Variants in HNRNPA0 observed in about 807,000 individuals in gnomAD.
HNRNPA0 encodes hnRNA binding protein.
For synonymous variants in HNRNPA0, 243 were observed against 195.5 expected, an observed-to-expected ratio of 1.24 and a Z score of -2.03; for missense variants, 252 against 433.7, an observed-to-expected ratio of 0.58 and a Z score of 3.72.
In HNRNPA0 at chr5:137,753,186, T is replaced by C. The variant is rs750712557; in HGVS notation, c.881A>G (p.Tyr294Cys). Residue 294 changes from tyrosine to cysteine, a missense_variant, in exon 1 of 1, where the codon TAT becomes TGT. Transcript: ENST00000314940. This position sits in a 1 kb window ranked among gnomAD's most constrained non-coding sequence, Gnocchi z 6.1. ...RSNSGPYRGG[Y>C]GGGGGYGGSS... ...GCCTCCATAGCCACCCCCACCGCCA[T>C]AGCCGCCTCTGTAAGGTCCACTATT... 26 of 1,613,666 alleles carry C rather than the reference T, an allele frequency of 1.6e-5. No homozygotes were observed. Among genetic ancestry groups the C allele is most frequent in the South Asian group, 2.2e-5 (2 of 91,076 alleles).
rs1003845016 is a variant in HNRNPA0, at chr5:137,747,387, C to T, written c.*5762G>A. On this transcript the variant is annotated 3_prime_UTR_variant, in exon 1 of 1. Coordinates refer to ENST00000314940, the MANE Select transcript of HNRNPA0 (RefSeq NM_006805.4). ...CCAGCACAATGGCCATTTTGTAAAG[C>T]TATATGCGCAAGACACAATGCTTCA... 1 of 152,168 alleles carries T rather than the reference C, an allele frequency of 6.6e-6. No homozygotes were observed. The highest frequency in any genetic ancestry group is 1.9e-4 in the East Asian group (1 of 5,204). The allele number at this position is 152,168 out of a possible 1,614,324, so 9.4% of individuals were successfully genotyped here.
rs1753457601 is a variant in HNRNPA0 at position 137,749,277 on chromosome 5, G to A, written c.*3872C>T. On this transcript the variant is annotated 3_prime_UTR_variant, in exon 1 of 1. Coordinates refer to ENST00000314940, the MANE Select transcript of HNRNPA0 (RefSeq NM_006805.4). ...GAGACAAAGAAAGCCTGCCTGAATAGAGAAGGAAACAGTTAAGAATAACTA... is the reference window on the plus strand; with the variant it reads ...GAGACAAAGAAAGCCTGCCTGAATAAAGAAGGAAACAGTTAAGAATAACTA... 1 of 152,150 alleles carries A rather than the reference G, an allele frequency of 6.6e-6. No homozygotes were observed. The highest frequency in any genetic ancestry group is 1.5e-5 in the Non-Finnish European group (1 of 67,996). The allele number at this position is 152,150 out of a possible 1,614,324, so 9.4% of individuals were successfully genotyped here. A position where few individuals can be genotyped will look rare whatever the true frequency, so the allele number is the denominator to read the frequency against.
In HNRNPA0 at chr5:137,746,363, C is replaced by T. The variant is rs1457056253; in HGVS notation, c.*6786G>A. ...CATTTAGTGAAAACCAAAATCCTTA[C>T]AACAACCTACAAATCCCTACATGAT... is the stretch of plus-strand genomic sequence containing the variant. On this transcript the variant is annotated 3_prime_UTR_variant, in exon 1 of 1. Transcript: ENST00000314940. 6.6e-6 allele frequency: 1 copy of T among 152,170 alleles called. No homozygotes were observed. The highest frequency in any genetic ancestry group is 1.9e-4 in the East Asian group (1 of 5,204). 9.4% of individuals were successfully genotyped at this position (152,170 alleles called of 1,614,324 possible).
Position 137,747,162 on chromosome 5 carries a change from G to A in HNRNPA0, c.*5987C>T, listed in dbSNP as rs1378530251. Reference sequence around the variant, plus strand: ...ATAAGAGGGCCACTGGAGCAGAGCTGTGGCCACTCACAATCTCTTGCTAAG... The same window carrying A: ...ATAAGAGGGCCACTGGAGCAGAGCTATGGCCACTCACAATCTCTTGCTAAG... On this transcript the variant is annotated 3_prime_UTR_variant, in exon 1 of 1. Transcript: ENST00000314940. The A allele has an allele frequency of 6.6e-6, 1 of 152,182 alleles. No individual in the cohort carries two copies. Among genetic ancestry groups the A allele is most frequent in the African/African-American group, 2.4e-5 (1 of 41,420 alleles). The allele number at this position is 152,182 out of a possible 1,614,324, so 9.4% of individuals were successfully genotyped here. A position where few individuals can be genotyped will look rare whatever the true frequency, so the allele number is the denominator to read the frequency against.
Position 137,753,534 on chromosome 5 carries a change from T to A in HNRNPA0, c.533A>T (p.Asp178Val). 6.2e-7 allele frequency: 1 copy of A among 1,611,744 alleles called. No individual in the cohort carries two copies. Among genetic ancestry groups the A allele is most frequent in the Non-Finnish European group, 8.5e-7 (1 of 1,178,656 alleles). ...VEVKKAVPKE[D>V]IYSGGGGGGS... ...GCCTCCACCCCCACCGGAGTAGATA[T>A]CCTCCTTGGGGACTGCTTTCTTCAC... The change falls in exon 1 of 1, where the codon GAT (aspartate) becomes GTT (valine). Residue 178 changes from aspartate (D) to valine (V), a missense_variant. Coordinates refer to ENST00000314940, the MANE Select transcript of HNRNPA0 (RefSeq NM_006805.4). This position sits in a 1 kb window ranked among gnomAD's most constrained non-coding sequence, Gnocchi z 6.1.
chr5:137,750,542 T>C lies in HNRNPA0; in HGVS notation c.*2607A>G, dbSNP rs1363767608. ...CTAGGTTCTGTACCACCTGCTCCCATGAACTCTTAAATCTGAATAATGTTC... is the reference window on the plus strand; with the variant it reads ...CTAGGTTCTGTACCACCTGCTCCCACGAACTCTTAAATCTGAATAATGTTC... On this transcript the variant is annotated 3_prime_UTR_variant, in exon 1 of 1. Coordinates refer to ENST00000314940, the MANE Select transcript of HNRNPA0 (RefSeq NM_006805.4). The C allele has an allele frequency of 6.6e-6, 1 of 152,178 alleles. No individual in the cohort carries two copies. Among genetic ancestry groups the C allele is most frequent in the Non-Finnish European group, 1.5e-5 (1 of 68,006 alleles). The allele number at this position is 152,178 out of a possible 1,614,324, so 9.4% of individuals were successfully genotyped here.
In HNRNPA0 at chr5:137,753,101, T is replaced by G; in HGVS notation, c.*48A>C. ...TAGGAGTTGACCCCACTTGGGCTGT[T>G]GGAAAGAGCTACCCCTATAGCCACT... On this transcript the variant is annotated 3_prime_UTR_variant, in exon 1 of 1. Coordinates refer to ENST00000314940, the MANE Select transcript of HNRNPA0 (RefSeq NM_006805.4). The surrounding 1 kb of genome is among the most constrained non-coding windows in gnomAD (Gnocchi z 6.1). 1 of 1,557,388 alleles carries G rather than the reference T, an allele frequency of 6.4e-7. No homozygotes were observed. Among genetic ancestry groups the G allele is most frequent in the East Asian group, 2.3e-5 (1 of 44,440 alleles).
Position 137,753,785 on chromosome 5 carries a change from G to C in HNRNPA0, c.282C>G (p.His94Gln). The C allele has an allele frequency of 6.2e-7, 1 of 1,610,670 alleles. No individual in the cohort carries two copies. The highest frequency in any genetic ancestry group is 8.5e-7 in the Non-Finnish European group (1 of 1,180,004). ...SREDSARPGA[H>Q]AKVKKLFVGG... is the part of the protein sequence containing the mutation. ...CGACAAAGAGCTTCTTAACCTTGGC[G>C]TGGGCACCGGGCCGCGCCGAATCCT... The change falls in exon 1 of 1, where the codon CAC becomes CAG. Residue 94 changes from histidine (H) to glutamine (Q), a missense_variant. His to Gln is a conservative substitution (Grantham distance 24). Transcript: ENST00000314940. This position sits in a 1 kb window ranked among gnomAD's most constrained non-coding sequence, Gnocchi z 6.1.
chr5:137,753,057 T>C lies in HNRNPA0; in HGVS notation c.*92A>G. ...CAAGGGCAAAACAGGGAAGGCGGTG[T>C]GTGTGAGGGGGTGGGGCTTAGGAGT... is the stretch of plus-strand genomic sequence containing the variant. On this transcript the variant is annotated 3_prime_UTR_variant, in exon 1 of 1. Transcript: ENST00000314940. The surrounding 1 kb of genome is among the most constrained non-coding windows in gnomAD (Gnocchi z 6.1). 7.4e-7 allele frequency: 1 copy of C among 1,348,188 alleles called. No individual in the cohort carries two copies. The highest frequency in any genetic ancestry group is 2.3e-5 in the East Asian group (1 of 43,070). 83.5% of individuals were successfully genotyped at this position (1,348,188 alleles called of 1,614,324 possible). A position where few individuals can be genotyped will look rare whatever the true frequency, so the allele number is the denominator to read the frequency against.
Position 137,753,081 on chromosome 5 carries a change from G to A in HNRNPA0, c.*68C>T. On this transcript the variant is annotated 3_prime_UTR_variant, in exon 1 of 1. Coordinates refer to ENST00000314940, the MANE Select transcript of HNRNPA0 (RefSeq NM_006805.4). The surrounding 1 kb of genome is among the most constrained non-coding windows in gnomAD (Gnocchi z 6.1). ...GTGTGTGAGGGGGTGGGGCTTAGGA[G>A]TTGACCCCACTTGGGCTGTTGGAAA... 6.7e-7 allele frequency: 1 copy of A among 1,495,092 alleles called. No individual in the cohort carries two copies. Among genetic ancestry groups the A allele is most frequent in the South Asian group, 1.3e-5 (1 of 79,808 alleles). 92.6% of individuals were successfully genotyped at this position (1,495,092 alleles called of 1,614,324 possible).
rs1289564848 is a variant in HNRNPA0, at chr5:137,753,179, A to ACCGCCATAGCC, written c.877_887dup (p.Gly297AlafsTer58). The stretch of plus-strand genomic sequence containing the variant: ...AGGAGCTGCCTCCATAGCCACCCCC[A>ACCGCCATAGCC]CCGCCATAGCCGCCTCTGTAAGGTC... On this transcript the variant is annotated frameshift_variant, in exon 1 of 1. Coordinates refer to ENST00000314940, the MANE Select transcript of HNRNPA0 (RefSeq NM_006805.4). LOFTEE classifies it high-confidence loss of function. This position sits in a 1 kb window ranked among gnomAD's most constrained non-coding sequence, Gnocchi z 6.1. The ACCGCCATAGCC allele has an allele frequency of 6.2e-7, 1 of 1,612,284 alleles. No individual in the cohort carries two copies. Among genetic ancestry groups the ACCGCCATAGCC allele is most frequent in the Non-Finnish European group, 8.5e-7 (1 of 1,179,174 alleles).
Position 137,750,717 on chromosome 5 carries a change from G to C in HNRNPA0, c.*2432C>G, listed in dbSNP as rs932718944. Reference sequence around the variant, plus strand: ...TATGCTTTTTTCTTCACTACAAATAGCAATTTTAAGGGTAGACACATGACA... The same window carrying C: ...TATGCTTTTTTCTTCACTACAAATACCAATTTTAAGGGTAGACACATGACA... On this transcript the variant is annotated 3_prime_UTR_variant, in exon 1 of 1. Coordinates refer to ENST00000314940, the MANE Select transcript of HNRNPA0 (RefSeq NM_006805.4). 6.6e-6 allele frequency: 1 copy of C among 152,070 alleles called. No homozygotes were observed. Among genetic ancestry groups the C allele is most frequent in the Admixed American group, 6.5e-5 (1 of 15,276 alleles). 9.4% of individuals were successfully genotyped at this position (152,070 alleles called of 1,614,324 possible). A position where few individuals can be genotyped will look rare whatever the true frequency, so the allele number is the denominator to read the frequency against.
chr5:137,753,047 G>T lies in HNRNPA0; in HGVS notation c.*102C>A. On this transcript the variant is annotated 3_prime_UTR_variant, in exon 1 of 1. Coordinates refer to ENST00000314940, the MANE Select transcript of HNRNPA0 (RefSeq NM_006805.4). This position sits in a 1 kb window ranked among gnomAD's most constrained non-coding sequence, Gnocchi z 6.1. ...GTGGCTCCCCCAAGGGCAAAACAGG[G>T]AAGGCGGTGTGTGTGAGGGGGTGGG... 1 of 1,306,528 alleles carries T rather than the reference G, an allele frequency of 7.7e-7. No individual in the cohort carries two copies. The highest frequency in any genetic ancestry group is 1.1e-6 in the Non-Finnish European group (1 of 951,118). 80.9% of individuals were successfully genotyped at this position (1,306,528 alleles called of 1,614,324 possible).
rs1753439843 is a variant in HNRNPA0, at chr5:137,748,161, C to G, written c.*4988G>C. The G allele has an allele frequency of 6.6e-6, 1 of 152,188 alleles. No homozygotes were observed. Among genetic ancestry groups the G allele is most frequent in the South Asian group, 2.1e-4 (1 of 4,830 alleles). The allele number at this position is 152,188 out of a possible 1,614,324, so 9.4% of individuals were successfully genotyped here. The stretch of plus-strand genomic sequence containing the variant: ...ATGTTTCTGCCTATCTGTCCTCCAC[C>G]TAAAATGCCCTCTTTCTCCTCCCAC... On this transcript the variant is annotated 3_prime_UTR_variant, in exon 1 of 1. Transcript: ENST00000314940.
rs1308374782 is a variant in HNRNPA0 at position 137,752,382 on chromosome 5, T to C, written c.*767A>G. 6.6e-6 allele frequency: 1 copy of C among 152,160 alleles called. No individual in the cohort carries two copies. Among genetic ancestry groups the C allele is most frequent in the African/African-American group, 2.4e-5 (1 of 41,438 alleles). 9.4% of individuals were successfully genotyped at this position (152,160 alleles called of 1,614,324 possible). A position where few individuals can be genotyped will look rare whatever the true frequency, so the allele number is the denominator to read the frequency against. On this transcript the variant is annotated 3_prime_UTR_variant, in exon 1 of 1. Coordinates refer to ENST00000314940, the MANE Select transcript of HNRNPA0 (RefSeq NM_006805.4). The stretch of plus-strand genomic sequence containing the variant: ...CAATTCGCTTAGTACAAGAGATGGA[T>C]GCACAGAAACTTAAGAGTTTAAAAA...
At position 137,753,135 on chromosome 5, in the gene HNRNPA0, T is replaced by C; in HGVS notation, c.*14A>G. On this transcript the variant is annotated 3_prime_UTR_variant, in exon 1 of 1. Coordinates refer to ENST00000314940, the MANE Select transcript of HNRNPA0 (RefSeq NM_006805.4). This position sits in a 1 kb window ranked among gnomAD's most constrained non-coding sequence, Gnocchi z 6.1. ...CTACCCCTATAGCCACTCCCAGGCA[T>C]TTTAAATTTTCTTTTAGAAGGAGCT... is the stretch of plus-strand genomic sequence containing the variant. The C allele has an allele frequency of 6.2e-7, 1 of 1,608,364 alleles. No homozygotes were observed. The highest frequency in any genetic ancestry group is 8.5e-7 in the Non-Finnish European group (1 of 1,176,990).
chr5:137,748,723 A>G lies in HNRNPA0; in HGVS notation c.*4426T>C, dbSNP rs1753448577. The G allele has an allele frequency of 6.6e-6, 1 of 152,164 alleles. No homozygotes were observed. Among genetic ancestry groups the G allele is most frequent in the Non-Finnish European group, 1.5e-5 (1 of 68,006 alleles). The allele number at this position is 152,164 out of a possible 1,614,324, so 9.4% of individuals were successfully genotyped here. A position where few individuals can be genotyped will look rare whatever the true frequency, so the allele number is the denominator to read the frequency against. On this transcript the variant is annotated 3_prime_UTR_variant, in exon 1 of 1. Transcript: ENST00000314940. The stretch of plus-strand genomic sequence containing the variant: ...CAGAATTTGGTCTATTGGATGCCCA[A>G]ATTTACGTCCTTAAGGGCTATGAAA...
chr5:137,745,898 A>T lies in HNRNPA0; in HGVS notation c.*7251T>A, dbSNP rs1753403225. On this transcript the variant is annotated 3_prime_UTR_variant, in exon 1 of 1. Coordinates refer to ENST00000314940, the MANE Select transcript of HNRNPA0 (RefSeq NM_006805.4). ...CATCCTTTACCTGGCATGTACCAAAATTCCATACTCCCAGAAGGAAAGCAG... is the reference window on the plus strand; with the variant it reads ...CATCCTTTACCTGGCATGTACCAAATTTCCATACTCCCAGAAGGAAAGCAG... 6.6e-6 allele frequency: 1 copy of T among 152,232 alleles called. No individual in the cohort carries two copies. The highest frequency in any genetic ancestry group is 2.4e-5 in the African/African-American group (1 of 41,462). The allele number at this position is 152,232 out of a possible 1,614,324, so 9.4% of individuals were successfully genotyped here.
chr5:137,754,002 C>A lies in HNRNPA0; in HGVS notation c.65G>T (p.Gly22Val), dbSNP rs757908158. Reference sequence around the variant, plus strand: ...AAAGGCCTCAAAGTGGCCGCGCAGGCCCGACTCACTCGTCTGCACATTGAG... The same window carrying A: ...AAAGGCCTCAAAGTGGCCGCGCAGGACCGACTCACTCGTCTGCACATTGAG... ...GGLNVQTSES[G>V]LRGHFEAFGT... The change falls in exon 1 of 1, where the codon GGC becomes GTC. Residue 22 changes from glycine (G) to valine (V), a missense_variant. Coordinates refer to ENST00000314940, the MANE Select transcript of HNRNPA0 (RefSeq NM_006805.4). The A allele has an allele frequency of 1.9e-6, 3 of 1,614,032 alleles. No homozygotes were observed.
Sources: gnomAD v4.1 joint callset for allele counts on GRCh38, gnomAD v4.1.1 for gene constraint, Gnocchi (gnomAD v3.1) non-coding constraint, MANE v1.5 for transcripts, NCBI Gene and HGNC (gene_info 2026-07-23, HGNC 2026-07-21) for gene names.